Variants in PRKN observed in about 807,000 individuals in gnomAD.
PRKN encodes E3 ubiquitin-protein ligase parkin.
PRKN carries 56 observed loss-of-function variants against 59.5 expected under a neutral mutation model. The observed-to-expected ratio is 0.94, with a 90% CI of 0.76 to 1.18. PRKN has a LOEUF of 1.18. PRKN is among the 50% of genes most tolerant of loss of function. The probability of loss-of-function intolerance (pLI) is 0.00; values close to 1 mark genes in which losing one functional copy is unlikely to be tolerated. For missense variants in PRKN, 657 were observed against 596.4 expected (o/e 1.10, Z -1.06); for synonymous variants, 250 against 222.1 (o/e 1.13, Z -1.12).
At position 161,759,087 on chromosome 6, in the gene PRKN, G is replaced by T. The variant is rs149629020; in HGVS notation, c.871+26685C>A. On this transcript the variant is annotated intron_variant, in intron 7 of 11. Transcript: ENST00000366898. Reference sequence around the variant, plus strand: ...AGCTACTCAGGAGGCTGAGGCAGGAGAATAGCTTGAACTCCAGAGGCAGAG... The same window carrying T: ...AGCTACTCAGGAGGCTGAGGCAGGATAATAGCTTGAACTCCAGAGGCAGAG... Among the ~76,000 whole-genome samples the T allele has an allele frequency of 2.5e-4, 38 of 152,086 alleles. No homozygotes were observed. In the Middle Eastern group the frequency reaches 0.014, roughly 54 times the overall value.
chr6:162,047,578 T>C (rs890148429), intron 5 of PRKN, among the ~76,000 whole-genome samples: 2 of 150,278 alleles, frequency 1.3e-5, no homozygotes, highest in South Asian at 2.1e-4. Context: ...AGTTCACACA[T>C]GAAACCATCC....
Position 161,385,181 on chromosome 6 carries a change from G to A in PRKN, c.1167+1613C>T, listed in dbSNP as rs950345454. On this transcript the variant is annotated intron_variant, in intron 10 of 11. Coordinates refer to ENST00000366898, the MANE Select transcript of PRKN (RefSeq NM_004562.3). This position sits in a 1 kb window ranked among gnomAD's most constrained non-coding sequence, Gnocchi z 4.9. ...TTGACCTCATGATCCGCCCACCTCG[G>A]CCTCCCAAAGTGCTGGGATTACAGG... Among the ~76,000 whole-genome samples the A allele has an allele frequency of 1.3e-5, 2 of 150,198 alleles. No individual in the cohort carries two copies. Among genetic ancestry groups the A allele is most frequent in the African/African-American group, 2.5e-5 (1 of 40,386 alleles).
chr6:162,031,062 A>G (rs1340954202), intron 5 of PRKN, among the ~76,000 whole-genome samples: 3 of 152,178 alleles, frequency 2.0e-5, no homozygotes, highest in Admixed American at 6.5e-5. Flanking sequence ...TTGACATTAC[A>G]TAAGTAACAC....
chr6:161,903,136 G>A (rs1777999546), intron 6 of PRKN, among the ~76,000 whole-genome samples: 1 of 152,060 alleles, frequency 6.6e-6, no homozygotes, highest in Admixed American at 6.5e-5. Context: ...CTAGTGAGAG[G>A]GATTTAGAGG....
intron 6 of PRKN, among the ~76,000 whole-genome samples, chr6:161,964,580 C>A (rs2128249396): frequency 6.6e-6 from 1 of 152,140 alleles, no homozygotes; most frequent in East Asian, 1.9e-4. Context: ...TTCCATTCGA[C>A]TCTAGAACAT....
chr6:161,801,447 A>T (rs935609730), intron 6 of PRKN, among the ~76,000 whole-genome samples: 1 of 152,194 alleles, frequency 6.6e-6, no homozygotes, highest in African/African-American at 2.4e-5. Context: ...CAGCCATGGG[A>T]GCGGGTGGGG....
At chr6:162,294,274 C>A (rs1371828908) in intron 2 of PRKN, among the ~76,000 whole-genome samples, 1 of 152,050 alleles carries the variant, frequency 6.6e-6, no homozygotes, top group African/African-American at 2.4e-5. Context: ...TCTCCTCCTT[C>A]CTACACCCTT....
At chr6:162,477,857 G>A (rs73785511) in intron 1 of PRKN, among the ~76,000 whole-genome samples, 1,926 of 152,194 alleles carry the variant, frequency 0.013, 51 homozygotes, top group African/African-American at 0.044. Flanking sequence ...AATTATACCC[G>A]TCTTACAAAT....
chr6:162,266,276 T>C (rs1018541637), intron 2 of PRKN, among the ~76,000 whole-genome samples: 3 of 150,944 alleles, frequency 2.0e-5, no homozygotes, highest in African/African-American at 7.4e-5. Flanking sequence ...TGGTTAGAGC[T>C]TGGACAGTAT....
chr6:162,405,842 C>A (rs1788037616), intron 2 of PRKN, among the ~76,000 whole-genome samples: 1 of 152,130 alleles, frequency 6.6e-6, no homozygotes, highest in African/African-American at 2.4e-5. Context: ...CCCGAGTGAT[C>A]TCAGAGTTCT....
intron 8 of PRKN, among the ~76,000 whole-genome samples, chr6:161,558,478 T>C (rs1780328548): frequency 6.6e-6 from 1 of 151,614 alleles, no homozygotes; most frequent in Admixed American, 6.6e-5. Context: ...GGTGAGAGGA[T>C]CATTTGAGCC....
In PRKN at chr6:161,401,219, C is replaced by A. The variant is rs1166669042; in HGVS notation, c.1084-14342G>T. On this transcript the variant is annotated intron_variant, in intron 9 of 11. Transcript: ENST00000366898. This position sits in a 1 kb window ranked among gnomAD's most constrained non-coding sequence, Gnocchi z 4.4. The stretch of plus-strand genomic sequence containing the variant: ...GTCGGGCATGGTTTTAGCAACAGGA[C>A]TTTCATTTGTGATAGTTCAGTCACG... Among the ~76,000 whole-genome samples, 4 of 152,128 alleles carry A rather than the reference C, an allele frequency of 2.6e-5. No individual in the cohort carries two copies. The highest frequency in any genetic ancestry group is 2.1e-4 in the South Asian group (1 of 4,830).
intron 6 of PRKN, among the ~76,000 whole-genome samples, chr6:161,918,120 C>A (rs1778643632): frequency 6.6e-6 from 1 of 152,180 alleles, no homozygotes; most frequent in Admixed American, 6.5e-5. Flanking sequence ...GGAGTAGATA[C>A]CAGTCCCCTG....
intron 7 of PRKN, among the ~76,000 whole-genome samples, chr6:161,598,459 C>T: frequency 6.6e-6 from 1 of 152,164 alleles, no homozygotes; most frequent in East Asian, 1.9e-4. Context: ...AACATACGGG[C>T]TTGGTCACAT....
intron 7 of PRKN, among the ~76,000 whole-genome samples, chr6:161,674,889 G>A (rs1037930254): frequency 6.6e-6 from 1 of 152,226 alleles, no homozygotes; most frequent in Non-Finnish European, 1.5e-5. Context: ...GAAGAGTCAA[G>A]GGTAGGAAGG....
intron 2 of PRKN, among the ~76,000 whole-genome samples, chr6:162,365,490 G>C (rs200935226): frequency 6.6e-6 from 1 of 151,990 alleles, no homozygotes; most frequent in Non-Finnish European, 1.5e-5. Context: ...ACTATAGCCC[G>C]TGGACTCTTA....
At chr6:161,675,724 A>G (rs1340125891) in intron 7 of PRKN, among the ~76,000 whole-genome samples, 1 of 152,172 alleles carries the variant, frequency 6.6e-6, no homozygotes, top group Non-Finnish European at 1.5e-5. Context: ...TTCTTCCTTT[A>G]CATCATGACC....
At position 162,302,963 on chromosome 6, in the gene PRKN, T is replaced by TACACACACACACACACAC. The variant is rs71004084; in HGVS notation, c.172-40216_172-40199dup. 2.2e-3 allele frequency among the ~76,000 whole-genome samples: 302 copies of TACACACACACACACACAC among 139,588 alleles called. 2 individuals carry two copies. The highest frequency in any genetic ancestry group is 3.6e-3 in the Admixed American group (50 of 14,066). The allele number at this position is 139,588 out of a possible 152,430, so 91.6% of individuals were successfully genotyped here. A position where few individuals can be genotyped will look rare whatever the true frequency, so the allele number is the denominator to read the frequency against. On this transcript the variant is annotated intron_variant, in intron 2 of 11. Transcript: ENST00000366898. ...GGGTGAGTATTATATGCCTTAAACA[T>TACACACACACACACACAC]ACACACACACACACACACACACACA...
intron 6 of PRKN, among the ~76,000 whole-genome samples, chr6:161,887,870 T>C (rs73785457): frequency 0.012 from 1,860 of 152,290 alleles, 32 homozygotes; most frequent in African/African-American, 0.043. Context: ...TAAAAGGAAG[T>C]TGAACTCTGG....
Sources: gnomAD v4.1 joint callset for allele counts (sites outside exome capture counted in the v4.1 genomes callset) on GRCh38, gnomAD v4.1.1 for gene constraint, Gnocchi (gnomAD v3.1) non-coding constraint, MANE v1.5 for transcripts, NCBI Gene and HGNC (gene_info 2026-07-23, HGNC 2026-07-21) for gene names.